The following MYH9 variants were observed in gnomAD, a reference collection of about 807,000 sequenced individuals.
MYH9 encodes the protein myosin heavy chain 9, also known as myosin-9.
A neutral mutation model predicts 241.9 loss-of-function variants in MYH9; 29 were observed. The ratio of observed to expected loss-of-function variants is 0.12; its 90% CI spans 0.09 to 0.16. The LOEUF (loss-of-function observed/expected upper bound fraction) is 0.16, where lower values mean the gene tolerates loss of function less well. MYH9 is among the 10% of genes least tolerant of loss of function. MYH9 has a pLI of 1.00. For synonymous variants in MYH9, 1,047 were observed against 1,062.6 expected (o/e 0.99, Z 0.29); for missense variants, 1,803 against 2,595.5 (o/e 0.69, Z 6.63).
chr22:36,286,015 C>G, intron 35 of MYH9, 62 bp from the exon 36 acceptor site: 2 of 1,576,304 alleles, frequency 1.3e-6, no homozygotes, highest in Non-Finnish European at 1.7e-6. Flanking sequence ...CCATCCTTCC[C>G]AGCCCCAGGC....
chr22:36,319,220 C>A (rs963174923), intron 10 of MYH9, among the ~76,000 whole-genome samples: 1 of 152,148 alleles, frequency 6.6e-6, no homozygotes, highest in Non-Finnish European at 1.5e-5. Flanking sequence ...AAGATCTCGA[C>A]ATAGTCACAG....
At position 36,288,790 on chromosome 22, in the gene MYH9, G is replaced by C. The variant is rs576697687; in HGVS notation, c.4707C>G (p.Phe1569Leu). The change falls in exon 33 of 41, where the codon TTC becomes TTG. Residue 1569 changes from phenylalanine (F) to leucine (L), a missense_variant. Phe to Leu is a conservative substitution (Grantham distance 22). Transcript: ENST00000216181. The surrounding 1 kb of genome is among the most constrained non-coding windows in gnomAD (Gnocchi z 4.8). ...EVNLQAMKAQ[F>L]ERDLQGRDEQ... The stretch of plus-strand genomic sequence containing the variant: ...CGTCCCGGCCCTGCAGGTCCCGCTC[G>C]AACTGGGCCTTCATGGCCTGCAGGT... 1.2e-6 allele frequency: 2 copies of C among 1,612,082 alleles called. No homozygotes were observed. The highest frequency in any genetic ancestry group is 2.7e-5 in the African/African-American group (2 of 74,854).
rs1307025998 is a variant in MYH9, at chr22:36,304,967, CCACGTGGG to C, written c.2229+58_2229+65del. On this transcript the variant is annotated intron_variant, in intron 18 of 40. Transcript: ENST00000216181. ...ACTGATATAGCAAGGTGGGCCCTGG[CCACGTGGG>C]CACTCCCCAGACAAGGGGCTGCCCA... The C allele has an allele frequency of 2.7e-6, 4 of 1,504,784 alleles. No individual in the cohort carries two copies. In the African/African-American group the frequency reaches 5.5e-5, roughly 21 times the overall value. 93.2% of individuals were successfully genotyped at this position (1,504,784 alleles called of 1,614,324 possible). A position where few individuals can be genotyped will look rare whatever the true frequency, so the allele number is the denominator to read the frequency against.
intron 1 of MYH9, among the ~76,000 whole-genome samples, chr22:36,364,049 C>T (rs112089848): frequency 3.0e-4 from 46 of 152,300 alleles, no homozygotes; most frequent in African/African-American, 1.0e-3. Flanking sequence ...ATACGGCCAC[C>T]GTCTCAGTGG....
chr22:36,285,365 G>A lies in MYH9; in HGVS notation c.5275-36C>T, dbSNP rs775989981. The stretch of plus-strand genomic sequence containing the variant: ...AGGGCCAGTGACCTTGGGGAGGGCT[G>A]GGGCCCTGGCTGGAGGGCATGAGCA... On this transcript the variant is annotated intron_variant, in intron 37 of 40. Transcript: ENST00000216181. This position sits in a 1 kb window ranked among gnomAD's most constrained non-coding sequence, Gnocchi z 7.0. 1 of 1,595,690 alleles carries A rather than the reference G, an allele frequency of 6.3e-7. No homozygotes were observed. Among genetic ancestry groups the A allele is most frequent in the Non-Finnish European group, 8.5e-7 (1 of 1,173,580 alleles).
chr22:36,378,466 T>A (rs888441036), intron 1 of MYH9, among the ~76,000 whole-genome samples: 3 of 152,170 alleles, frequency 2.0e-5, no homozygotes, highest in Non-Finnish European at 4.4e-5. Context: ...TCCCGTGCAT[T>A]TTGTGTTGAA....
Position 36,282,630 on chromosome 22 carries a change from C to G in MYH9, c.*38G>C. ...GTCTGGGAAGGGGAGGCTGTGGTGT[C>G]TGTCTGTCCATCCATCTCAGGCTGC... On this transcript the variant is annotated 3_prime_UTR_variant, in exon 41 of 41. Transcript: ENST00000216181. 6.3e-7 allele frequency: 1 copy of G among 1,586,138 alleles called. No individual in the cohort carries two copies. Among genetic ancestry groups the G allele is most frequent in the Non-Finnish European group, 8.7e-7 (1 of 1,155,760 alleles).
At chr22:36,299,358 A>G (rs924295161) in intron 23 of MYH9, among the ~76,000 whole-genome samples, 1 of 152,160 alleles carries the variant, frequency 6.6e-6, no homozygotes, top group African/African-American at 2.4e-5. Flanking sequence ...CTCCTTCAAG[A>G]GGCTGCCACA....
intron 18 of MYH9, 67 bp downstream of exon 18, chr22:36,304,966 G>A (rs1419251481): frequency 7.4e-6 from 11 of 1,494,932 alleles, no homozygotes; most frequent in Non-Finnish European, 1.0e-5. Flanking sequence ...GTGGGCCCTG[G>A]CCACGTGGGC....
In MYH9 at chr22:36,304,643, G is replaced by A. The variant is rs75139805; in HGVS notation, c.2229+390C>T. ...CTAGGGCTGGGAGTGGGGAGGGAGG[G>A]AGGAGAAGCCCAGGTCACGGAGCAC... is the stretch of plus-strand genomic sequence containing the variant. On this transcript the variant is annotated intron_variant, in intron 18 of 40. Transcript: ENST00000216181. Among the ~76,000 whole-genome samples, 1,215 of 152,308 alleles carry A rather than the reference G, an allele frequency of 8.0e-3. 9 individuals carry two copies. The highest frequency in any genetic ancestry group is 0.013 in the Non-Finnish European group (852 of 68,024).
chr22:36,361,745 G>A (rs932003728), intron 1 of MYH9, among the ~76,000 whole-genome samples: 1 of 152,182 alleles, frequency 6.6e-6, no homozygotes. Flanking sequence ...GATAATTGGG[G>A]AGGAGCAGAG....
At position 36,292,941 on chromosome 22, in the gene MYH9, C is replaced by T. The variant is rs1474143690; in HGVS notation, c.4095+388G>A. Among the ~76,000 whole-genome samples the T allele has an allele frequency of 3.3e-5, 5 of 152,322 alleles. No individual in the cohort carries two copies. The East Asian group carries it at 5.8e-4, about 18-fold the overall frequency. The stretch of plus-strand genomic sequence containing the variant: ...AGATAGCACATCAGATAACAAACAG[C>T]GCAGGCCTGGGACCCATGAGGCCAA... On this transcript the variant is annotated intron_variant, in intron 30 of 40. Transcript: ENST00000216181.
Position 36,293,625 on chromosome 22 carries a change from G to T in MYH9, c.3942+134C>A. 7.4e-7 allele frequency: 1 copy of T among 1,343,022 alleles called. No individual in the cohort carries two copies. The highest frequency in any genetic ancestry group is 1.1e-6 in the Non-Finnish European group (1 of 951,204). 83.2% of individuals were successfully genotyped at this position (1,343,022 alleles called of 1,614,324 possible). A position where few individuals can be genotyped will look rare whatever the true frequency, so the allele number is the denominator to read the frequency against. On this transcript the variant is annotated intron_variant, in intron 29 of 40. Transcript: ENST00000216181. This position sits in a 1 kb window ranked among gnomAD's most constrained non-coding sequence, Gnocchi z 5.1. The stretch of plus-strand genomic sequence containing the variant: ...AAGACCTGGAGGGAGCTGGGAGGAC[G>T]CAGAGACCCACCCACAGGATGAAGC...
At chr22:36,358,909 CCT>C (rs1490436494) in intron 1 of MYH9, among the ~76,000 whole-genome samples, 2 of 152,130 alleles carry the variant, frequency 1.3e-5, no homozygotes, top group Admixed American at 1.3e-4. Context: ...CTAAGCAAGC[CCT>C]CTAGGACCCC....
At chr22:36,327,398 G>A in intron 4 of MYH9, 63 bp downstream of exon 4, 1 of 1,595,780 alleles carries the variant, frequency 6.3e-7, no homozygotes, top group South Asian at 1.1e-5. Context: ...TTCAGTAGGA[G>A]ACCTCAAGAA....
chr22:36,363,877 C>T (rs1194166109), intron 1 of MYH9, among the ~76,000 whole-genome samples: 2 of 152,184 alleles, frequency 1.3e-5, no homozygotes, highest in African/African-American at 4.8e-5. Flanking sequence ...TGGAGGCTTC[C>T]CACACCCCCA....
intron 31 of MYH9, 28 bp from the exon 32 acceptor site, chr22:36,289,325 TCA>T (rs1319015276): frequency 6.3e-7 from 1 of 1,585,438 alleles, no homozygotes; most frequent in Non-Finnish European, 8.6e-7. Context: ...ACCATGAGGC[TCA>T]GAGCTACGGC....
At chr22:36,304,560 C>T (rs1480503978) in intron 18 of MYH9, among the ~76,000 whole-genome samples, 1 of 152,168 alleles carries the variant, frequency 6.6e-6, no homozygotes, top group Non-Finnish European at 1.5e-5. Flanking sequence ...ACTGAGTCAC[C>T]GCAGGGCTTT....
intron 1 of MYH9, among the ~76,000 whole-genome samples, chr22:36,367,497 G>T (rs2018028806): frequency 6.6e-6 from 1 of 152,206 alleles, no homozygotes; most frequent in Non-Finnish European, 1.5e-5. Flanking sequence ...TTCCCCGGGG[G>T]AAATGATCAA....
Sources: gnomAD v4.1 joint callset for allele counts (sites outside exome capture counted in the v4.1 genomes callset) on GRCh38, gnomAD v4.1.1 for gene constraint, Gnocchi (gnomAD v3.1) non-coding constraint, MANE v1.5 for transcripts, NCBI Gene and HGNC (gene_info 2026-07-23, HGNC 2026-07-21) for gene names.